The following GRID2 variants were observed in gnomAD, a reference collection of about 807,000 sequenced individuals.
GRID2 encodes the protein glutamate receptor ionotropic, delta-2.
Under a neutral mutation model 114.8 loss-of-function variants are expected in GRID2, and 33 were observed. The ratio of observed to expected loss-of-function variants is 0.29; its 90% confidence interval spans 0.22 to 0.38. The LOEUF is 0.38. GRID2 is among the 10% of genes least tolerant of loss of function. The pLI is 1.00. For missense variants in GRID2, 1,184 were observed against 1,257.7 expected (o/e 0.94, Z 0.89); for synonymous variants, 505 against 449.9 (o/e 1.12, Z -1.55).
At chr4:93,501,761 C>CA (rs1476478964) in intron 12 of GRID2, among the ~76,000 whole-genome samples, 1 of 152,046 alleles carries the variant, frequency 6.6e-6, no homozygotes, top group Non-Finnish European at 1.5e-5. Context: ...CTCACCAGGA[C>CA]AAAAACTTTA....
intron 14 of GRID2, among the ~76,000 whole-genome samples, chr4:93,698,668 A>G (rs1285647084): frequency 6.6e-6 from 1 of 152,088 alleles, no homozygotes; most frequent in African/African-American, 2.4e-5. Flanking sequence ...ATAAATATTG[A>G]TTTTAGGAAT....
intron 8 of GRID2, among the ~76,000 whole-genome samples, chr4:93,257,573 A>G (rs1307124791): frequency 1.3e-5 from 2 of 151,676 alleles, no homozygotes; most frequent in African/African-American, 2.4e-5. Context: ...AACTGAAAAT[A>G]TATTTCTCTT....
intron 8 of GRID2, among the ~76,000 whole-genome samples, chr4:93,364,617 C>T (rs1762170648): frequency 6.6e-6 from 1 of 151,954 alleles, no homozygotes; most frequent in South Asian, 2.1e-4. Flanking sequence ...GACTACCACC[C>T]AGTCAAATGC....
intron 1 of GRID2, among the ~76,000 whole-genome samples, chr4:92,483,248 G>T (rs2149106781): frequency 6.6e-6 from 1 of 152,248 alleles, no homozygotes; most frequent in South Asian, 2.1e-4. Context: ...TGAGGCAAGA[G>T]AATCGCTTGA....
intron 1 of GRID2, among the ~76,000 whole-genome samples, chr4:92,486,583 A>G (rs966156090): frequency 6.6e-6 from 1 of 151,354 alleles, no homozygotes; most frequent in East Asian, 1.9e-4. Context: ...ACACACACAC[A>G]CACACACAAA....
chr4:92,711,056 T>A (rs980131894), intron 2 of GRID2, among the ~76,000 whole-genome samples: 3 of 152,088 alleles, frequency 2.0e-5, no homozygotes, highest in African/African-American at 7.2e-5. Context: ...AGAATACTAT[T>A]TAGTGGTAAT....
At chr4:93,370,585 C>T (rs1370671764) in intron 8 of GRID2, among the ~76,000 whole-genome samples, 7 of 151,992 alleles carry the variant, frequency 4.6e-5, no homozygotes, top group East Asian at 1.9e-4. Flanking sequence ...TGCATTTGCT[C>T]ATGTTATTTT....
chr4:92,817,467 T>C (rs1420765020), intron 2 of GRID2, among the ~76,000 whole-genome samples: 3 of 152,166 alleles, frequency 2.0e-5, no homozygotes, highest in African/African-American at 7.2e-5. Context: ...CTTTAAGTTC[T>C]AGTCTTAACC....
intron 1 of GRID2, among the ~76,000 whole-genome samples, chr4:92,417,647 G>A (rs1261792893): frequency 6.6e-6 from 1 of 152,098 alleles, no homozygotes; most frequent in Non-Finnish European, 1.5e-5. Flanking sequence ...CCATTGTGGA[G>A]GTTGCAGTAT....
chr4:93,578,586 T>TTTTTTG (rs1560772852), intron 13 of GRID2, among the ~76,000 whole-genome samples: 9 of 135,906 alleles, frequency 6.6e-5, no homozygotes, highest in Admixed American at 2.2e-4. Context: ...TTGTTTTTTG[T>TTTTTTG]ATTTTTTTTT....
chr4:92,482,700 A>G (rs911584813), intron 1 of GRID2, among the ~76,000 whole-genome samples: 17 of 152,158 alleles, frequency 1.1e-4, no homozygotes, highest in African/African-American at 1.4e-4. Context: ...TTGTTGCTCA[A>G]TTCTGGCTTG....
intron 2 of GRID2, among the ~76,000 whole-genome samples, chr4:92,798,425 C>T (rs1739995145): frequency 6.6e-6 from 1 of 151,980 alleles, no homozygotes; most frequent in African/African-American, 2.4e-5. Flanking sequence ...GTTAGTCAGT[C>T]AGGATTTCCC....
chr4:92,622,514 T>C (rs899749875), intron 2 of GRID2, among the ~76,000 whole-genome samples: 3 of 151,674 alleles, frequency 2.0e-5, no homozygotes, highest in Non-Finnish European at 3.0e-5. Flanking sequence ...AATTAAGTGG[T>C]TTAACATTTT....
intron 1 of GRID2, among the ~76,000 whole-genome samples, chr4:92,568,267 G>A (rs1727431449): frequency 6.6e-6 from 1 of 152,040 alleles, no homozygotes; most frequent in South Asian, 2.1e-4. Context: ...ACTAGGATCT[G>A]AGGTCTGAAA....
At chr4:93,173,730 A>G (rs1035713298) in intron 4 of GRID2, among the ~76,000 whole-genome samples, 3 of 152,018 alleles carry the variant, frequency 2.0e-5, no homozygotes, top group South Asian at 2.1e-4. Context: ...CCTGGTCTCA[A>G]GTGATCCTCC....
At chr4:92,408,035 G>C (rs1435247685) in intron 1 of GRID2, among the ~76,000 whole-genome samples, 2 of 152,064 alleles carry the variant, frequency 1.3e-5, no homozygotes, top group African/African-American at 4.8e-5. Context: ...ATATTTCCTA[G>C]GTTTTCTTTT....
intron 1 of GRID2, among the ~76,000 whole-genome samples, chr4:93,787,067 C>T (rs560918667): frequency 6.6e-6 from 1 of 151,762 alleles, no homozygotes; most frequent in South Asian, 2.1e-4. Flanking sequence ...TTCCTTCTAT[C>T]TAGTTGCTCT....
chr4:93,542,526 T>G (rs1415418714), intron 13 of GRID2, among the ~76,000 whole-genome samples: 1 of 152,094 alleles, frequency 6.6e-6, no homozygotes, highest in East Asian at 1.9e-4. Flanking sequence ...TGTTTCTGCC[T>G]TTTTTCACTG....
intron 3 of GRID2, among the ~76,000 whole-genome samples, chr4:93,106,493 T>C (rs1358724834): frequency 6.6e-6 from 1 of 152,112 alleles, no homozygotes; most frequent in Non-Finnish European, 1.5e-5. Context: ...ACGACGAGCA[T>C]GCACCACCAC....
Sources: allele counts gnomAD v4.1 joint callset (sites outside exome capture counted in the v4.1 genomes callset), GRCh38; gene constraint gnomAD v4.1.1; transcripts MANE v1.5; gene names NCBI Gene and HGNC (gene_info 2026-07-23, HGNC 2026-07-21).